Variants in HPSE2 observed in about 807,000 individuals in gnomAD.
The protein encoded by HPSE2 is heparanase 2 (inactive).
Under a neutral mutation model 60.5 loss-of-function variants are expected in HPSE2, and 38 were observed. The ratio of observed to expected loss-of-function variants is 0.63; its 90% confidence interval spans 0.48 to 0.82. The LOEUF (loss-of-function observed/expected upper bound fraction) is 0.82, where lower values mean the gene tolerates loss of function less well. Ranked by LOEUF, HPSE2 falls within the 40% of genes least tolerant of loss-of-function variation. The pLI, the probability that HPSE2 is intolerant of heterozygous loss-of-function variation, is 0.00. For synonymous variants in HPSE2, 295 were observed against 293.2 expected, an observed-to-expected ratio of 1.01 and a Z score of -0.06; for missense variants, 713 against 740.4, an observed-to-expected ratio of 0.96 and a Z score of 0.43.
chr10:99,049,944 C>T (rs1405853360), intron 3 of HPSE2, among the ~76,000 whole-genome samples: 1 of 152,148 alleles, frequency 6.6e-6, no homozygotes, highest in African/African-American at 2.4e-5. Context: ...ACTGAACAGA[C>T]ATTTCACTAT....
chr10:99,199,451 T>G (rs1475621758), intron 2 of HPSE2, among the ~76,000 whole-genome samples: 1 of 152,140 alleles, frequency 6.6e-6, no homozygotes, highest in Non-Finnish European at 1.5e-5. Flanking sequence ...GCTTGATTTT[T>G]GGGTATGGTA....
intron 3 of HPSE2, among the ~76,000 whole-genome samples, chr10:98,973,861 G>T (rs564532455): frequency 2.0e-5 from 3 of 152,126 alleles, no homozygotes; most frequent in East Asian, 1.9e-4. Flanking sequence ...GAAAAAAAGG[G>T]GGGGGGAGAT....
chr10:98,695,303 G>A (rs181171518), intron 5 of HPSE2, among the ~76,000 whole-genome samples: 4 of 152,284 alleles, frequency 2.6e-5, no homozygotes, highest in Admixed American at 2.6e-4. Flanking sequence ...AGGATGAGAA[G>A]GCCACAGAAG....
At chr10:99,131,738 C>CA (rs1845393936) in intron 3 of HPSE2, among the ~76,000 whole-genome samples, 1 of 152,074 alleles carries the variant, frequency 6.6e-6, no homozygotes, top group African/African-American at 2.4e-5. Context: ...TTTGGAGACT[C>CA]AGAGTTGGAG....
At chr10:98,550,481 T>C (rs558452877) in intron 9 of HPSE2, among the ~76,000 whole-genome samples, 1 of 152,018 alleles carries the variant, frequency 6.6e-6, no homozygotes, top group African/African-American at 2.4e-5. Context: ...AATTTTTTTT[T>C]TTTTTGAGAT....
At position 98,973,597 on chromosome 10, in the gene HPSE2, C is replaced by A. The variant is rs533961210; in HGVS notation, c.610+170641G>T. ...AGGCCTACAAAACTTTAAAAAGCAT[C>A]TGGCACATAAATAGTAATTCTGAAA... On this transcript the variant is annotated intron_variant, in intron 3 of 11. Transcript: ENST00000370552. Among the ~76,000 whole-genome samples the A allele has an allele frequency of 1.9e-4, 29 of 152,220 alleles. No homozygotes were observed. In the South Asian group the frequency reaches 2.5e-3, roughly 13 times the overall value.
chr10:98,774,964 A>T (rs566623617), intron 3 of HPSE2, among the ~76,000 whole-genome samples: 1 of 152,248 alleles, frequency 6.6e-6, no homozygotes, highest in Non-Finnish European at 1.5e-5. Context: ...AATAAAACAC[A>T]CTTTAGTGTT....
chr10:98,644,075 A>G (rs1199286927), intron 6 of HPSE2, among the ~76,000 whole-genome samples: 2 of 152,082 alleles, frequency 1.3e-5, no homozygotes, highest in Non-Finnish European at 2.9e-5. Context: ...AGCCTACCCC[A>G]ATCTGTGGCC....
At chr10:98,631,186 C>T (rs547193557) in intron 7 of HPSE2, among the ~76,000 whole-genome samples, 1 of 152,144 alleles carries the variant, frequency 6.6e-6, no homozygotes, top group Non-Finnish European at 1.5e-5. Flanking sequence ...GTTTCTGTGA[C>T]ATTTTTAGGA....
At chr10:99,173,646 C>T (rs530275029) in intron 2 of HPSE2, among the ~76,000 whole-genome samples, 1 of 152,154 alleles carries the variant, frequency 6.6e-6, no homozygotes, top group East Asian at 1.9e-4. Flanking sequence ...ATAACCATCT[C>T]GAAATAACTG....
chr10:99,250,595 G>A, the HPSE2 span, among the ~76,000 whole-genome samples: 4 of 152,170 alleles, frequency 2.6e-5, no homozygotes, highest in Admixed American at 1.3e-4. Flanking sequence ...GGTCGACCAC[G>A]TGCTAGGCCA....
At chr10:99,195,306 G>A (rs1480182480) in intron 2 of HPSE2, among the ~76,000 whole-genome samples, 2 of 151,760 alleles carry the variant, frequency 1.3e-5, no homozygotes, top group African/African-American at 4.8e-5. Flanking sequence ...TCTAGAACAA[G>A]ACAAGTGCAC....
intron 3 of HPSE2, among the ~76,000 whole-genome samples, chr10:99,105,779 ATTT>A (rs1161226243): frequency 1.3e-5 from 2 of 151,968 alleles, no homozygotes; most frequent in Admixed American, 1.3e-4. Context: ...TCTATGGTCC[ATTT>A]TGAGCTAAAC....
chr10:98,467,485 G>C (rs78047610), intron 11 of HPSE2, among the ~76,000 whole-genome samples: 4,568 of 152,254 alleles, frequency 0.03, 79 homozygotes, highest in Non-Finnish European at 0.047. Flanking sequence ...AATGATGAGA[G>C]AGAGGGAGAG....
chr10:98,572,571 C>T (rs1227393386), intron 9 of HPSE2, among the ~76,000 whole-genome samples: 1 of 152,204 alleles, frequency 6.6e-6, no homozygotes, highest in Non-Finnish European at 1.5e-5. Flanking sequence ...TTGCATCCTG[C>T]AAACTGCATC....
chr10:99,099,882 G>C (rs528233609), intron 3 of HPSE2, among the ~76,000 whole-genome samples: 1 of 152,100 alleles, frequency 6.6e-6, no homozygotes, highest in Admixed American at 6.6e-5. Context: ...AGGCAAACAG[G>C]GTCTGGAGTG....
At chr10:99,133,260 C>T (rs1473509476) in intron 3 of HPSE2, among the ~76,000 whole-genome samples, 2 of 152,198 alleles carry the variant, frequency 1.3e-5, no homozygotes, top group African/African-American at 4.8e-5. Flanking sequence ...AGATAAAACC[C>T]CCATCTCCCT....
At chr10:99,234,297 C>T (rs1849767222) in intron 1 of HPSE2, among the ~76,000 whole-genome samples, 1 of 152,184 alleles carries the variant, frequency 6.6e-6, no homozygotes, top group Non-Finnish European at 1.5e-5. Flanking sequence ...CCTCCCGCTA[C>T]CTGCCGCGTC....
chr10:98,858,005 AATATTCATGGCTATCAATAG>A (rs1289627369), intron 3 of HPSE2, among the ~76,000 whole-genome samples: 1 of 152,210 alleles, frequency 6.6e-6, no homozygotes, highest in Non-Finnish European at 1.5e-5. Flanking sequence ...GCGATCAAAT[AATATTCATGGCTATCAATAG>A]CTATCAAGTA....
Sources: allele counts gnomAD v4.1 joint callset (sites outside exome capture counted in the v4.1 genomes callset), GRCh38; gene constraint gnomAD v4.1.1; transcripts MANE v1.5; gene names NCBI Gene and HGNC (gene_info 2026-07-23, HGNC 2026-07-21).